The following LRRC4C variants were observed in gnomAD, a reference collection of about 807,000 sequenced individuals.
LRRC4C encodes leucine-rich repeat-containing protein 4C.
LRRC4C carries 5 observed loss-of-function variants against 33.6 expected under a neutral mutation model. The observed-to-expected ratio is 0.15, with a 90% CI of 0.08 to 0.31. The LOEUF (loss-of-function observed/expected upper bound fraction) is 0.31, where lower values mean the gene tolerates loss of function less well. Among genes scored for constraint, LRRC4C ranks in the 10% least tolerant of loss-of-function variants. LRRC4C has a pLI of 1.00. For synonymous variants in LRRC4C, 329 were observed against 302.0 expected (o/e 1.09, Z -0.93); for missense variants, 560 against 796.7 (o/e 0.70, Z 3.58).
At chr11:41,224,537 A>C (rs1026018100) in intron 1 of LRRC4C, among the ~76,000 whole-genome samples, 1 of 152,180 alleles carries the variant, frequency 6.6e-6, no homozygotes, top group Non-Finnish European at 1.5e-5. Flanking sequence ...ATTCCTAAGG[A>C]AGTCAAAACT....
At chr11:40,657,114 C>T (rs966946074) in intron 2 of LRRC4C, among the ~76,000 whole-genome samples, 4 of 152,000 alleles carry the variant, frequency 2.6e-5, no homozygotes, top group African/African-American at 7.3e-5. Context: ...AAAGATCTGC[C>T]GCGAATGAAT....
chr11:40,659,150 C>T lies in LRRC4C; in HGVS notation c.-406-10872G>A, dbSNP rs558117005. 2.2e-4 allele frequency among the ~76,000 whole-genome samples: 34 copies of T among 152,356 alleles called. No individual in the cohort carries two copies. In the South Asian group the frequency reaches 6.6e-3, roughly 30 times the overall value. On this transcript the variant is annotated intron_variant, in intron 2 of 6. Transcript: ENST00000528697. ...GGCCTCTCCCTGTTCCTGGCACCCA[C>T]TCCAGTGCAGAGCAAAGTTGTGGCT...
chr11:41,344,184 T>C (rs1951726870), intron 1 of LRRC4C, among the ~76,000 whole-genome samples: 1 of 151,846 alleles, frequency 6.6e-6, no homozygotes, highest in African/African-American at 2.4e-5. Context: ...CCCAGTGATT[T>C]TCCCAATACC....
At chr11:40,879,206 A>G (rs1037419000) in intron 2 of LRRC4C, among the ~76,000 whole-genome samples, 5 of 150,422 alleles carry the variant, frequency 3.3e-5, no homozygotes, top group African/African-American at 1.2e-4. Context: ...CAGAAAACTC[A>G]AGCTTTTGAA....
intron 4 of LRRC4C, among the ~76,000 whole-genome samples, chr11:40,285,084 G>A (rs989143482): frequency 1.3e-5 from 2 of 152,078 alleles, no homozygotes; most frequent in African/African-American, 4.8e-5. Context: ...ATATGCACCA[G>A]GCACTGTACT....
In LRRC4C at chr11:40,336,894, G is replaced by C. The variant is rs569029446; in HGVS notation, c.-269-17173C>G. ...CGGGAGGCTGAGGCAGGAGAATGGC[G>C]TGAACCCGGAAGGCGGAGCTTGCAG... On this transcript the variant is annotated intron_variant, in intron 3 of 6. Coordinates refer to ENST00000528697, the MANE Select transcript of LRRC4C (RefSeq NM_001258419.2). 1.2e-3 allele frequency among the ~76,000 whole-genome samples: 175 copies of C among 148,006 alleles called. No homozygotes were observed. The South Asian group carries it at 0.013, about 11-fold the overall frequency.
chr11:40,368,526 G>A (rs181006331), intron 3 of LRRC4C, among the ~76,000 whole-genome samples: 32 of 152,216 alleles, frequency 2.1e-4, no homozygotes, highest in Admixed American at 2.1e-3. Flanking sequence ...CGTTTTATAT[G>A]ACAAACAGCT....
At chr11:40,226,562 T>C (rs1437899538) in intron 5 of LRRC4C, among the ~76,000 whole-genome samples, 1 of 152,206 alleles carries the variant, frequency 6.6e-6, no homozygotes, top group East Asian at 1.9e-4. Context: ...TGCTTATGCT[T>C]GAAAGTGGTC....
chr11:41,233,970 T>G (rs1483831170), intron 1 of LRRC4C, among the ~76,000 whole-genome samples: 3 of 144,256 alleles, frequency 2.1e-5, no homozygotes, highest in Non-Finnish European at 4.4e-5. Flanking sequence ...CCAAAAGCTT[T>G]TTTTTTTTTT....
At chr11:40,392,799 G>A (rs1371537510) in intron 3 of LRRC4C, among the ~76,000 whole-genome samples, 1 of 151,844 alleles carries the variant, frequency 6.6e-6, no homozygotes, top group Non-Finnish European at 1.5e-5. Flanking sequence ...ATGTTCTAAT[G>A]GGAGACAAAA....
At chr11:41,437,800 A>T (rs774043337) in intron 1 of LRRC4C, among the ~76,000 whole-genome samples, 19 of 152,196 alleles carry the variant, frequency 1.2e-4, no homozygotes, top group Non-Finnish European at 2.2e-4. Context: ...CACTTTGGAA[A>T]GATGAGGCAG....
intron 1 of LRRC4C, among the ~76,000 whole-genome samples, chr11:41,043,376 A>C (rs1250637218): frequency 1.3e-5 from 2 of 152,142 alleles, no homozygotes; most frequent in Non-Finnish European, 2.9e-5. Context: ...ATTGTGGCTA[A>C]GGCTACAAAT....
At chr11:41,377,597 C>T (rs75913470) in intron 1 of LRRC4C, among the ~76,000 whole-genome samples, 12,074 of 152,182 alleles carry the variant, frequency 0.079, 584 homozygotes, top group South Asian at 0.16. Context: ...AATCATTTCA[C>T]AAGACAGAAC....
chr11:40,244,791 G>A (rs1198322178), intron 4 of LRRC4C, among the ~76,000 whole-genome samples: 1 of 151,996 alleles, frequency 6.6e-6, no homozygotes. Context: ...AAAAGAGAGA[G>A]CTCATTGAGA....
intron 3 of LRRC4C, among the ~76,000 whole-genome samples, chr11:40,508,012 C>T (rs1955123771): frequency 1.3e-5 from 2 of 152,164 alleles, no homozygotes; most frequent in African/African-American, 2.4e-5. Flanking sequence ...CCACTTCAGC[C>T]TCCCAAAGTT....
intron 2 of LRRC4C, among the ~76,000 whole-genome samples, chr11:40,691,624 G>C (rs1405466260): frequency 6.6e-6 from 1 of 152,106 alleles, no homozygotes. Flanking sequence ...GGTGAGCTTA[G>C]AGGAAAGCCT....
At chr11:40,443,301 T>C (rs1951476926) in intron 3 of LRRC4C, among the ~76,000 whole-genome samples, 1 of 152,200 alleles carries the variant, frequency 6.6e-6, no homozygotes, top group African/African-American at 2.4e-5. Context: ...ATCTTGAAAC[T>C]TTCCCTAAAA....
intron 3 of LRRC4C, among the ~76,000 whole-genome samples, chr11:40,451,103 C>T (rs1378084581): frequency 6.7e-6 from 1 of 150,256 alleles, no homozygotes; most frequent in Non-Finnish European, 1.5e-5. Context: ...GCTTATTTAA[C>T]AATGAAAAAA....
chr11:40,479,415 AGAG>A (rs1182238774), intron 3 of LRRC4C, among the ~76,000 whole-genome samples: 2 of 152,148 alleles, frequency 1.3e-5, no homozygotes, highest in African/African-American at 2.4e-5. Flanking sequence ...TATGTTACAG[AGAG>A]GAGAAGAGTG....
Sources: allele counts gnomAD v4.1 joint callset (sites outside exome capture counted in the v4.1 genomes callset), GRCh38; gene constraint gnomAD v4.1.1; transcripts MANE v1.5; gene names NCBI Gene and HGNC (gene_info 2026-07-23, HGNC 2026-07-21).